The following XPR1 variants were observed in gnomAD, a reference collection of about 807,000 sequenced individuals.
The protein encoded by XPR1 is solute carrier family 53 member 1.
In XPR1, 28 loss-of-function variants were observed where a neutral mutation model predicts 87.5. The observed-to-expected ratio is 0.32, with a 90% confidence interval of 0.24 to 0.44. XPR1 has a LOEUF of 0.44. Ranked by LOEUF, XPR1 falls within the 20% of genes least tolerant of loss-of-function variation. The probability of loss-of-function intolerance (pLI) is 1.00; values close to 1 mark genes in which losing one functional copy is unlikely to be tolerated. For missense variants in XPR1, 559 were observed against 862.3 expected (o/e 0.65, Z 4.41); for synonymous variants, 300 against 306.1 (o/e 0.98, Z 0.21).
intron 13 of XPR1, among the ~76,000 whole-genome samples, chr1:180,876,146 A>T (rs530715747): frequency 1.4e-4 from 22 of 152,198 alleles, no homozygotes; most frequent in Non-Finnish European, 2.9e-4. Context: ...CATAAAAGGA[A>T]ACACTTTCTA....
chr1:180,747,948 C>G (rs1208617428), intron 2 of XPR1, among the ~76,000 whole-genome samples: 2 of 151,992 alleles, frequency 1.3e-5, no homozygotes, highest in East Asian at 3.9e-4. Flanking sequence ...GAACAACAAC[C>G]AAAACAAAAC....
rs1327961310 is a variant in XPR1 at position 180,806,214 on chromosome 1, A to G, written c.597+3A>G. On this transcript the variant is annotated splice_donor_region_variant and intron_variant, in intron 5 of 14. Coordinates refer to ENST00000367590, the MANE Select transcript of XPR1 (RefSeq NM_004736.4). ...ACCAGCTTATCTCTGAAACTGAGGT[A>G]CAATAATCTCGTTTATTTACAACGT... The G allele has an allele frequency of 3.1e-6, 5 of 1,610,524 alleles. No individual in the cohort carries two copies. The highest frequency in any genetic ancestry group is 4.2e-6 in the Non-Finnish European group (5 of 1,177,712).
At chr1:180,647,147 C>T (rs897568433) in intron 1 of XPR1, among the ~76,000 whole-genome samples, 13 of 152,306 alleles carry the variant, frequency 8.5e-5, no homozygotes, top group Non-Finnish European at 1.9e-4. Context: ...TAGGGTTCAC[C>T]CTCCTATAAG....
chr1:180,780,789 C>G (rs1384316871), intron 2 of XPR1, among the ~76,000 whole-genome samples: 2 of 147,448 alleles, frequency 1.4e-5, no homozygotes, highest in South Asian at 2.1e-4. Flanking sequence ...AAAAGAGATG[C>G]AAGAGTTGAA....
chr1:180,803,627 C>G lies in XPR1; in HGVS notation c.447+16C>G. ...GAACTATCAGGTACTTAGATTCTTACCCTAGAAAATGGCACCTTTAAGTAA... is the reference window on the plus strand; with the variant it reads ...GAACTATCAGGTACTTAGATTCTTAGCCTAGAAAATGGCACCTTTAAGTAA... On this transcript the variant is annotated intron_variant, in intron 4 of 14. Coordinates refer to ENST00000367590, the MANE Select transcript of XPR1 (RefSeq NM_004736.4). The G allele has an allele frequency of 6.3e-7, 1 of 1,596,952 alleles. No homozygotes were observed. Among genetic ancestry groups the G allele is most frequent in the Non-Finnish European group, 8.6e-7 (1 of 1,169,156 alleles).
intron 2 of XPR1, among the ~76,000 whole-genome samples, chr1:180,716,917 A>G (rs1019732818): frequency 6.6e-6 from 1 of 152,178 alleles, no homozygotes; most frequent in African/African-American, 2.4e-5. Flanking sequence ...TTATTTTTCA[A>G]TATTCAGTAA....
chr1:180,657,058 GT>G (rs528636485), intron 1 of XPR1, among the ~76,000 whole-genome samples: 105 of 152,132 alleles, frequency 6.9e-4, no homozygotes, highest in African/African-American at 2.4e-3. Flanking sequence ...ATATCTCATT[GT>G]AGTTTTGATT....
intron 2 of XPR1, among the ~76,000 whole-genome samples, chr1:180,714,375 C>CTCTG (rs1553240217): frequency 1.2e-4 from 16 of 137,942 alleles, no homozygotes; most frequent in African/African-American, 4.8e-4. Flanking sequence ...CTCTCTCTCT[C>CTCTG]TCTCTCTCTC....
At chr1:180,825,424 A>G in intron 9 of XPR1, 80 bp downstream of exon 9, 1 of 1,421,922 alleles carries the variant, frequency 7.0e-7, no homozygotes, top group Non-Finnish European at 9.5e-7. Context: ...CAAGGCTGCT[A>G]GGTTGTACAA....
intron 3 of XPR1, among the ~76,000 whole-genome samples, chr1:180,797,973 T>G (rs148847899): frequency 9.7e-4 from 147 of 152,276 alleles, no homozygotes; most frequent in African/African-American, 2.9e-3. Context: ...ACATTTACAA[T>G]AGAAATGTTT....
intron 2 of XPR1, among the ~76,000 whole-genome samples, chr1:180,782,821 A>G (rs1648993838): frequency 6.6e-6 from 1 of 151,932 alleles, no homozygotes; most frequent in Non-Finnish European, 1.5e-5. Context: ...ATTTGATAAT[A>G]AAATACAGTG....
chr1:180,718,581 C>T (rs1461699093), intron 2 of XPR1, among the ~76,000 whole-genome samples: 1 of 151,918 alleles, frequency 6.6e-6, no homozygotes, highest in Non-Finnish European at 1.5e-5. Context: ...ATTAGAATCA[C>T]CTGGGCAACA....
intron 1 of XPR1, among the ~76,000 whole-genome samples, chr1:180,646,395 GT>G (rs989632960): frequency 1.1e-3 from 170 of 147,850 alleles, no homozygotes; most frequent in African/African-American, 3.0e-3. Flanking sequence ...TCATGTTCAT[GT>G]TTTTTTTTTT....
intron 11 of XPR1, among the ~76,000 whole-genome samples, chr1:180,853,668 C>CACACACACACACACACACA (rs1651942684): frequency 1.4e-5 from 2 of 147,404 alleles, no homozygotes; most frequent in Non-Finnish European, 3.0e-5. Context: ...CACACACACA[C>CACACACACACACACACACA]CCTACCTCTT....
At chr1:180,717,961 T>G (rs1402893147) in intron 2 of XPR1, among the ~76,000 whole-genome samples, 1 of 152,186 alleles carries the variant, frequency 6.6e-6, no homozygotes, top group Non-Finnish European at 1.5e-5. Context: ...TGAATAGATA[T>G]GAAGTTTAAA....
chr1:180,705,001 A>ATG (rs1354584174), intron 2 of XPR1, among the ~76,000 whole-genome samples: 1 of 151,496 alleles, frequency 6.6e-6, no homozygotes, highest in Non-Finnish European at 1.5e-5. Context: ...GTATATATAT[A>ATG]TTTTAGGATA....
rs1405735382 is a variant in XPR1, at chr1:180,812,747, C to G, written c.763+1259C>G. Among the ~76,000 whole-genome samples the G allele has an allele frequency of 3.3e-5, 5 of 151,104 alleles. No individual in the cohort carries two copies. In the East Asian group the frequency reaches 9.7e-4, roughly 29 times the overall value. ...CACTGCAACCTCTGCCTCCTGGGTTCACACGATTTTCCTGCCTCAGCCTCC... is the reference window on the plus strand; with the variant it reads ...CACTGCAACCTCTGCCTCCTGGGTTGACACGATTTTCCTGCCTCAGCCTCC... On this transcript the variant is annotated intron_variant, in intron 7 of 14. Coordinates refer to ENST00000367590, the MANE Select transcript of XPR1 (RefSeq NM_004736.4).
chr1:180,710,467 C>G (rs192291931), intron 2 of XPR1, among the ~76,000 whole-genome samples: 161 of 152,164 alleles, frequency 1.1e-3, no homozygotes, highest in African/African-American at 3.7e-3. Context: ...CCCTTAATCC[C>G]TTTAACCCTG....
intron 2 of XPR1, among the ~76,000 whole-genome samples, chr1:180,772,822 C>T (rs1571823259): frequency 6.6e-6 from 1 of 152,202 alleles, no homozygotes; most frequent in East Asian, 1.9e-4. Flanking sequence ...CAATAAACCT[C>T]TTTCTTTTGT....
Sources: allele counts gnomAD v4.1 joint callset (sites outside exome capture counted in the v4.1 genomes callset), GRCh38; gene constraint gnomAD v4.1.1; transcripts MANE v1.5; gene names NCBI Gene and HGNC (gene_info 2026-07-23, HGNC 2026-07-21).